Variants in TEAD3 observed in about 807,000 individuals in gnomAD.
TEAD3 encodes the protein transcriptional enhancer factor TEF-5.
In TEAD3, 15 loss-of-function variants were observed where a neutral mutation model predicts 55.6. The observed-to-expected ratio is 0.27, with a 90% CI of 0.18 to 0.42. The LOEUF (loss-of-function observed/expected upper bound fraction) is 0.42. Among genes scored for constraint, TEAD3 ranks in the 10% least tolerant of loss-of-function variants. TEAD3 has a pLI of 1.00. For synonymous variants in TEAD3, 210 were observed against 232.2 expected, an observed-to-expected ratio of 0.90 and a Z score of 0.87; for missense variants, 407 against 576.8, an observed-to-expected ratio of 0.71 and a Z score of 3.01.
Position 35,475,970 on chromosome 6 carries a change from C to A in TEAD3, c.849G>T (p.Lys283Asn), listed in dbSNP as rs867165047. The change falls in exon 10 of 13, where the codon AAG becomes AAT. Residue 283 changes from lysine (K) to asparagine (N), a missense_variant. By Grantham distance (94) the Lys-to-Asn change is moderately conservative. Transcript: ENST00000639578. The surrounding 1 kb of genome is among the most constrained non-coding windows in gnomAD (Gnocchi z 5.4). ...TAGGGGGCCCCTTCTCATAGAGCTC[C>A]TTCAATCCTCCCTTTTTCTCGGGGA... The A allele has an allele frequency of 6.4e-7, 1 of 1,559,146 alleles. No homozygotes were observed. Among genetic ancestry groups the A allele is most frequent in the Admixed American group, 2.0e-5 (1 of 50,242 alleles).
chr6:35,486,349 C>T lies in TEAD3; in HGVS notation c.202+112G>A. 1 of 1,303,422 alleles carries T rather than the reference C, an allele frequency of 7.7e-7. No homozygotes were observed. The highest frequency in any genetic ancestry group is 1.0e-6 in the Non-Finnish European group (1 of 956,756). The allele number at this position is 1,303,422 out of a possible 1,614,324, so 80.7% of individuals were successfully genotyped here. A position where few individuals can be genotyped will look rare whatever the true frequency, so the allele number is the denominator to read the frequency against. ...ATCCAGACACACAGGCTTGCGCGCC[C>T]AGACTCGCCCGGCCAGCGGCTGGCG... On this transcript the variant is annotated intron_variant, in intron 2 of 12. Coordinates refer to ENST00000639578, the Ensembl canonical transcript of TEAD3. The surrounding 1 kb of genome is among the most constrained non-coding windows in gnomAD (Gnocchi z 7.3).
chr6:35,474,809 C>T (rs377289237), downstream of TEAD3: 774 of 499,148 alleles, frequency 1.6e-3, 6 homozygotes, highest in South Asian at 0.012. Flanking sequence ...GGTGGGTCAG[C>T]GCCCCGGACA....
intron 8 of TEAD3, 111 bp downstream of exon 8, chr6:35,477,200 T>G: frequency 8.9e-7 from 1 of 1,127,678 alleles, no homozygotes; most frequent in Non-Finnish European, 1.3e-6. Flanking sequence ...CCCAATCTCC[T>G]GTAGATGTCG....
chr6:35,487,367 C>T (rs558271952), intron 1 of TEAD3, among the ~76,000 whole-genome samples: 16 of 152,222 alleles, frequency 1.1e-4, no homozygotes, highest in African/African-American at 3.9e-4. Flanking sequence ...GACTGACCAA[C>T]ATGGTGAAAC....
rs67071124 is a variant in TEAD3, at chr6:35,478,877, CTTTTTTTTTT to C, written c.343-316_343-307del. Among the ~76,000 whole-genome samples the C allele has an allele frequency of 6.6e-5, 7 of 106,740 alleles. No individual in the cohort carries two copies. The East Asian group carries it at 1.5e-3, about 23-fold the overall frequency. 70.0% of individuals were successfully genotyped at this position (106,740 alleles called of 152,430 possible). On this transcript the variant is annotated intron_variant, in intron 5 of 12. Coordinates refer to ENST00000639578, the Ensembl canonical transcript of TEAD3. The stretch of plus-strand genomic sequence containing the variant: ...TGTATGTCATGTACTCTCCTATTTT[CTTTTTTTTTT>C]TTTTTTTTTTGAGACGGAGTCTCGC...
chr6:35,483,664 C>G lies in TEAD3; in HGVS notation c.267+896G>C, dbSNP rs543262670. Among the ~76,000 whole-genome samples the G allele has an allele frequency of 1.3e-5, 2 of 152,258 alleles. No individual in the cohort carries two copies. Among genetic ancestry groups the G allele is most frequent in the African/African-American group, 4.8e-5 (2 of 41,542 alleles). On this transcript the variant is annotated intron_variant, in intron 3 of 12. Transcript: ENST00000639578. The surrounding 1 kb of genome is among the most constrained non-coding windows in gnomAD (Gnocchi z 4.5). Reference sequence around the variant, plus strand: ...CCGGCTGCTTGAGGGCCTTCCTCAACAGCTGCCACCTGTCACTCCCTGCTC... The same window carrying G: ...CCGGCTGCTTGAGGGCCTTCCTCAAGAGCTGCCACCTGTCACTCCCTGCTC...
chr6:35,486,568 T>A lies in TEAD3; in HGVS notation c.95A>T (p.Glu32Val). 1 of 1,613,582 alleles carries A rather than the reference T, an allele frequency of 6.2e-7. No homozygotes were observed. The highest frequency in any genetic ancestry group is 8.5e-7 in the Non-Finnish European group (1 of 1,179,788). Residue 32 changes from glutamate to valine, a missense_variant, in exon 2 of 13, where the codon GAG (glutamate) becomes GTG (valine). Transcript: ENST00000639578. The surrounding 1 kb of genome is among the most constrained non-coding windows in gnomAD (Gnocchi z 7.3). Reference sequence around the variant, plus strand: ...CTCGATGTCCGGGCTCCACACGCCCTCCGCATCGTTGTCCAGCCCCTTGTC... The same window carrying A: ...CTCGATGTCCGGGCTCCACACGCCCACCGCATCGTTGTCCAGCCCCTTGTC...
chr6:35,486,520 G>T lies in TEAD3; in HGVS notation c.143C>A (p.Ala48Asp). ...CCGCCGGCCGCAGGGCGGGTAGATG[G>T]CCAGGGCCTCCTGGAAGCTCTGCTC... The change falls in exon 2 of 13, where the codon GCC becomes GAC. Residue 48 changes from alanine to aspartate, a missense_variant. Ala to Asp is a moderately radical substitution (Grantham distance 126). Transcript: ENST00000639578. The surrounding 1 kb of genome is among the most constrained non-coding windows in gnomAD (Gnocchi z 7.3). The T allele has an allele frequency of 1.2e-6, 2 of 1,613,622 alleles. No homozygotes were observed. Among genetic ancestry groups the T allele is most frequent in the Non-Finnish European group, 1.7e-6 (2 of 1,179,776 alleles).
intron 1 of TEAD3, among the ~76,000 whole-genome samples, chr6:35,495,956 C>A (rs898525910): frequency 6.6e-6 from 1 of 152,200 alleles, no homozygotes; most frequent in African/African-American, 2.4e-5. Flanking sequence ...TTCCCCCTCG[C>A]ACTGAAAGAA....
intron 3 of TEAD3, 85 bp downstream of exon 4, chr6:35,480,227 A>C: frequency 6.4e-7 from 1 of 1,567,020 alleles, no homozygotes; most frequent in Non-Finnish European, 8.7e-7. Flanking sequence ...AGAGCTGGCC[A>C]AGGAAAGGCC....
rs1768133997 is a variant in TEAD3 at position 35,475,829 on chromosome 6, G to A, written c.900+90C>T. ...TCTGCCCACAAGCCATGAGGATGCA[G>A]CAGGGTCAGAGGTCAATGCAGTGGG... On this transcript the variant is annotated intron_variant, in intron 10 of 12. Coordinates refer to ENST00000639578, the Ensembl canonical transcript of TEAD3. This position sits in a 1 kb window ranked among gnomAD's most constrained non-coding sequence, Gnocchi z 5.4. The A allele has an allele frequency of 6.7e-7, 1 of 1,501,506 alleles. No homozygotes were observed. The highest frequency in any genetic ancestry group is 2.3e-5 in the East Asian group (1 of 43,832). The allele number at this position is 1,501,506 out of a possible 1,614,324, so 93.0% of individuals were successfully genotyped here. A position where few individuals can be genotyped will look rare whatever the true frequency, so the allele number is the denominator to read the frequency against.
In TEAD3 at chr6:35,486,717, G is replaced by T; in HGVS notation, c.-49-6C>A. 6.3e-7 allele frequency: 1 copy of T among 1,577,262 alleles called. No individual in the cohort carries two copies. Among genetic ancestry groups the T allele is most frequent in the African/African-American group, 1.3e-5 (1 of 74,492 alleles). ...AGCCCACTGGGCGGCTGAGCCTGGG[G>T]GACAGACAGACAGGAACTGGGACCA... On this transcript the variant is annotated splice_polypyrimidine_tract_variant and splice_region_variant and intron_variant, in intron 1 of 12. Coordinates refer to ENST00000639578, the Ensembl canonical transcript of TEAD3. The surrounding 1 kb of genome is among the most constrained non-coding windows in gnomAD (Gnocchi z 7.3).
At chr6:35,473,741 A>C (rs999923749), downstream of TEAD3, 9 of 152,094 alleles carry the variant, frequency 5.9e-5, no homozygotes, top group Admixed American at 3.9e-4. Context: ...AAAATACACA[A>C]AAAAATATAT....
chr6:35,482,396 A>G (rs1364544409), intron 3 of TEAD3, among the ~76,000 whole-genome samples: 3 of 152,210 alleles, frequency 2.0e-5, no homozygotes, highest in Admixed American at 2.0e-4. Context: ...CCAGAGTTCT[A>G]AGAAAGAGTA....
At chr6:35,476,224 C>G in intron 9 of TEAD3, 78 bp downstream of exon 9, 1 of 1,564,392 alleles carries the variant, frequency 6.4e-7, no homozygotes, top group African/African-American at 1.4e-5. Context: ...CCCCCAGATC[C>G]TGAGTTGCAG....
At chr6:35,477,126 A>G (rs9470038) in intron 8 of TEAD3, among the ~76,000 whole-genome samples, 185 bp downstream of exon 8, 13,712 of 152,174 alleles carry the variant, frequency 0.09, 1,345 homozygotes, top group African/African-American at 0.24. Context: ...TGGCTTGGCT[A>G]TGGTTTTGTG....
At chr6:35,493,963 G>T (rs906787015) in intron 1 of TEAD3, among the ~76,000 whole-genome samples, 2 of 152,120 alleles carry the variant, frequency 1.3e-5, no homozygotes, top group Admixed American at 6.5e-5. Flanking sequence ...AGGTTCTCAG[G>T]TACAGAGGTG....
chr6:35,480,024 C>T (rs1218372597), intron 4 of TEAD3: 1 of 1,461,678 alleles, frequency 6.8e-7, no homozygotes, highest in Non-Finnish European at 9.2e-7. Context: ...CAGGAGGGTG[C>T]TGGGCAGGCC....
At chr6:35,492,276 A>T (rs1768538934) in intron 1 of TEAD3, among the ~76,000 whole-genome samples, 1 of 152,128 alleles carries the variant, frequency 6.6e-6, no homozygotes, top group African/African-American at 2.4e-5. Flanking sequence ...GAGGATGGGG[A>T]GGGCAGCTGA....
Sources: allele counts gnomAD v4.1 joint callset (sites outside exome capture counted in the v4.1 genomes callset), GRCh38; gene constraint gnomAD v4.1.1; non-coding constraint Gnocchi (gnomAD v3.1); transcripts MANE v1.5; gene names NCBI Gene and HGNC (gene_info 2026-07-23, HGNC 2026-07-21).